Variants in FLVCR1 observed in about 807,000 individuals in gnomAD.
FLVCR1 encodes FLVCR choline and heme transporter 1, also known as choline/ethanolamine transporter FLVCR1.
A neutral mutation model predicts 53.6 loss-of-function variants in FLVCR1; 34 were observed. The observed-to-expected ratio is 0.63, with a 90% CI of 0.48 to 0.84. The LOEUF (loss-of-function observed/expected upper bound fraction) is 0.84. Among genes scored for constraint, FLVCR1 ranks in the 40% least tolerant of loss-of-function variants. The pLI is 0.00. For synonymous variants in FLVCR1, 300 were observed against 286.3 expected (o/e 1.05, Z -0.48); for missense variants, 677 against 696.7 (o/e 0.97, Z 0.32).
intron 2 of FLVCR1, among the ~76,000 whole-genome samples, chr1:212,865,458 T>TA (rs1353434633): frequency 6.7e-6 from 1 of 150,244 alleles, no homozygotes; most frequent in Non-Finnish European, 1.5e-5. Context: ...ACATTTTGCA[T>TA]AAATGGACCT....
chr1:212,859,844 C>T (rs1572003657), intron 1 of FLVCR1, among the ~76,000 whole-genome samples: 1 of 152,204 alleles, frequency 6.6e-6, no homozygotes, highest in East Asian at 1.9e-4. Context: ...ATTTTTGTCA[C>T]CAGTGTATTT....
rs1453869590 is a variant in FLVCR1, at chr1:212,888,409, C to T, written c.1308-80C>T. On this transcript the variant is annotated intron_variant, in intron 6 of 9. Coordinates refer to ENST00000366971, the MANE Select transcript of FLVCR1 (RefSeq NM_014053.4). ...ACTTATTTGGTCATTAGAATAAGCC[C>T]GAGAGGCAGAATGATTGCATCAGTA... 52 of 969,660 alleles carry T rather than the reference C, an allele frequency of 5.4e-5. 2 individuals are homozygous for T. In the South Asian group the frequency reaches 6.0e-4, roughly 11 times the overall value. The allele number at this position is 969,660 out of a possible 1,614,324, so 60.1% of individuals were successfully genotyped here. A position where few individuals can be genotyped will look rare whatever the true frequency, so the allele number is the denominator to read the frequency against.
chr1:212,881,676 CA>C (rs1041791216), intron 3 of FLVCR1, among the ~76,000 whole-genome samples: 4 of 151,310 alleles, frequency 2.6e-5, no homozygotes, highest in African/African-American at 9.7e-5. Context: ...TTTCTTAATG[CA>C]AAAAACATAA....
At chr1:212,866,269 G>C (rs1664425284) in intron 2 of FLVCR1, among the ~76,000 whole-genome samples, 1 of 151,920 alleles carries the variant, frequency 6.6e-6, no homozygotes, top group Non-Finnish European at 1.5e-5. Flanking sequence ...ACAGGCATGA[G>C]CCACCGAGCC....
At chr1:212,881,876 A>T (rs1322648302) in intron 3 of FLVCR1, among the ~76,000 whole-genome samples, 1 of 152,260 alleles carries the variant, frequency 6.6e-6, no homozygotes, top group African/African-American at 2.4e-5. Flanking sequence ...ATCCAAGGAC[A>T]CCAGAAGACA....
chr1:212,891,455 A>C (rs1372424011), intron 8 of FLVCR1, among the ~76,000 whole-genome samples: 1 of 149,528 alleles, frequency 6.7e-6, no homozygotes, highest in Admixed American at 6.7e-5. Context: ...AAAAAAAAAA[A>C]CAGTATTATT....
At chr1:212,859,342 G>A (rs1397190010) in intron 1 of FLVCR1, 152 bp downstream of exon 1, 17 of 1,184,796 alleles carry the variant, frequency 1.4e-5, no homozygotes, top group Non-Finnish European at 2.0e-5. Flanking sequence ...GGCCGTCTTG[G>A]ATTGAAGTGG....
chr1:212,876,828 A>T (rs1358066888), intron 3 of FLVCR1, among the ~76,000 whole-genome samples: 1 of 152,174 alleles, frequency 6.6e-6, no homozygotes, highest in Non-Finnish European at 1.5e-5. Flanking sequence ...TAATAGAATG[A>T]TTTATATTCC....
At chr1:212,888,647 G>C in intron 7 of FLVCR1, 53 bp downstream of exon 7, 1 of 1,215,324 alleles carries the variant, frequency 8.2e-7, no homozygotes, top group Non-Finnish European at 1.2e-6. Context: ...AGATATTCTA[G>C]TGAGTAATGA....
chr1:212,871,659 CA>C (rs1664600171), intron 2 of FLVCR1, among the ~76,000 whole-genome samples: 1 of 152,176 alleles, frequency 6.6e-6, no homozygotes, highest in African/African-American at 2.4e-5. Context: ...GCTGAGATTA[CA>C]AAAGTGAGCA....
chr1:212,875,806 A>G (rs1455997536), intron 3 of FLVCR1, among the ~76,000 whole-genome samples: 1 of 150,776 alleles, frequency 6.6e-6, no homozygotes, highest in East Asian at 2.0e-4. Context: ...GTGCCACTGC[A>G]CTCCAGCCTG....
rs1664639898 is a variant in FLVCR1 at position 212,872,757 on chromosome 1, T to C, written c.963T>C (p.Tyr321=). 3.1e-6 allele frequency: 5 copies of C among 1,613,850 alleles called. No homozygotes were observed. The highest frequency in any genetic ancestry group is 4.2e-6 in the Non-Finnish European group (5 of 1,179,748). Residue 321 remains tyrosine (Y), a synonymous_variant, in exon 3 of 10, where the codon TAT becomes TAC. Coordinates refer to ENST00000366971, the MANE Select transcript of FLVCR1 (RefSeq NM_014053.4). ...LQDSPPEEYS[Y]KKSIRNLFKN... ...ACAGTCCCCCTGAAGAGTACTCCTA[T>C]AAGAAATCAATAAGAAACCTGTTTA... is the stretch of plus-strand genomic sequence containing the variant.
Position 212,897,196 on chromosome 1 carries a change from A to T in FLVCR1, c.*1906A>T, listed in dbSNP as rs983566430. Reference sequence around the variant, plus strand: ...AAATAAATAAATAAATAAATAAATAAATAAATAAATAAATAAAACCTGAGG... The same window carrying T: ...AAATAAATAAATAAATAAATAAATATATAAATAAATAAATAAAACCTGAGG... On this transcript the variant is annotated 3_prime_UTR_variant, in exon 10 of 10. Coordinates refer to ENST00000366971, the MANE Select transcript of FLVCR1 (RefSeq NM_014053.4). 1.8e-5 allele frequency: 2 copies of T among 112,198 alleles called. No homozygotes were observed. The highest frequency in any genetic ancestry group is 3.1e-5 in the African/African-American group (1 of 32,014). The allele number at this position is 112,198 out of a possible 1,614,324, so 7.0% of individuals were successfully genotyped here. A position where few individuals can be genotyped will look rare whatever the true frequency, so the allele number is the denominator to read the frequency against.
At position 212,899,029 on chromosome 1, in the gene FLVCR1, G is replaced by A. The variant is rs865806240; in HGVS notation, c.*3739G>A. 6 of 152,172 alleles carry A rather than the reference G, an allele frequency of 3.9e-5. No homozygotes were observed. Among genetic ancestry groups the A allele is most frequent in the South Asian group, 2.1e-4 (1 of 4,832 alleles). 9.4% of individuals were successfully genotyped at this position (152,172 alleles called of 1,614,324 possible). A position where few individuals can be genotyped will look rare whatever the true frequency, so the allele number is the denominator to read the frequency against. ...TGTCATATGTGGTCAATTGTTGATCGAAACATGACTGTATGTCGTATTTTC... is the reference window on the plus strand; with the variant it reads ...TGTCATATGTGGTCAATTGTTGATCAAAACATGACTGTATGTCGTATTTTC... On this transcript the variant is annotated 3_prime_UTR_variant, in exon 10 of 10. Coordinates refer to ENST00000366971, the MANE Select transcript of FLVCR1 (RefSeq NM_014053.4).
intron 3 of FLVCR1, among the ~76,000 whole-genome samples, chr1:212,876,672 A>C (rs981712582): frequency 1.3e-5 from 2 of 151,870 alleles, no homozygotes; most frequent in African/African-American, 4.8e-5. Flanking sequence ...GCCTGATCTC[A>C]TTTCTTTTTG....
chr1:212,893,572 A>G (rs2359324), intron 8 of FLVCR1, among the ~76,000 whole-genome samples: 107,268 of 151,878 alleles, frequency 0.71, 38,888 homozygotes, highest in East Asian at 1. Context: ...GAGATCTTTC[A>G]TGAAAGGAAG....
At chr1:212,863,072 A>G (rs1664294392) in intron 1 of FLVCR1, among the ~76,000 whole-genome samples, 1 of 152,218 alleles carries the variant, frequency 6.6e-6, no homozygotes, top group South Asian at 2.1e-4. Context: ...GATCAGATAT[A>G]TAATTTACAA....
At chr1:212,859,329 G>A (rs1664147979) in intron 1 of FLVCR1, 139 bp downstream of exon 1, 1 of 1,317,602 alleles carries the variant, frequency 7.6e-7, no homozygotes, top group Admixed American at 2.0e-5. Flanking sequence ...CCGTTGAATA[G>A]GAGGCCGTCT....
In FLVCR1 at chr1:212,858,917, G is replaced by A; in HGVS notation, c.465G>A (p.Leu155=). 1 of 1,614,244 alleles carries A rather than the reference G, an allele frequency of 6.2e-7. No homozygotes were observed. The highest frequency in any genetic ancestry group is 8.5e-7 in the Non-Finnish European group (1 of 1,180,046). Residue 155 remains leucine, a synonymous_variant, in exon 1 of 10, where the codon CTG becomes CTA. Transcript: ENST00000366971. The part of the protein sequence containing the change: ...HIDWLSMVYM[L]AYVPLIFPAT... ...ACTGGCTGTCCATGGTGTACATGCTGGCCTACGTGCCCCTCATCTTCCCGG... is the reference window on the plus strand; with the variant it reads ...ACTGGCTGTCCATGGTGTACATGCTAGCCTACGTGCCCCTCATCTTCCCGG...
Sources: gnomAD v4.1 joint callset for allele counts (sites outside exome capture counted in the v4.1 genomes callset) on GRCh38, gnomAD v4.1.1 for gene constraint, MANE v1.5 for transcripts, NCBI Gene and HGNC (gene_info 2026-07-23, HGNC 2026-07-21) for gene names.